The following MTERF4 variants were observed in gnomAD, a reference collection of about 807,000 sequenced individuals.
MTERF4 encodes the protein mitochondrial transcription termination factor 4, also known as transcription termination factor 4, mitochondrial.
MTERF4 carries 17 observed loss-of-function variants against 22.5 expected under a neutral mutation model. That is an observed-to-expected ratio of 0.75 (90% confidence interval 0.52 to 1.13). MTERF4 has a LOEUF of 1.13. Ranked by LOEUF, MTERF4 falls within the 50% of genes most tolerant of loss-of-function variation. The probability of loss-of-function intolerance (pLI) is 0.00; values close to 1 mark genes in which losing one functional copy is unlikely to be tolerated. For synonymous variants in MTERF4, 165 were observed against 175.3 expected, an observed-to-expected ratio of 0.94 and a Z score of 0.47; for missense variants, 420 against 466.8, an observed-to-expected ratio of 0.90 and a Z score of 0.92.
downstream of MTERF4, chr2:241,095,105 C>T (rs1228427439): frequency 6.7e-6 from 1 of 148,878 alleles, no homozygotes; most frequent in African/African-American, 2.5e-5. Context: ...ACGGATTGCT[C>T]CCTGTGGCCC....
downstream of MTERF4, among the ~76,000 whole-genome samples, chr2:241,083,625 C>T (rs535848347): frequency 6.6e-6 from 1 of 152,232 alleles, no homozygotes; most frequent in South Asian, 2.1e-4. Flanking sequence ...AGTGAGAGTC[C>T]GAATCCACAG....
chr2:241,094,518 T>G (rs540412168), downstream of MTERF4: 2 of 395,122 alleles, frequency 5.1e-6, no homozygotes, highest in Non-Finnish European at 1.0e-5. The surrounding 1 kb of genome is among the most constrained non-coding windows in gnomAD (Gnocchi z 4.3). Flanking sequence ...TTCCAGTGCA[T>G]AGGGGAAAGG....
chr2:241,048,201 C>A, the MTERF4 span: 1 of 1,267,746 alleles, frequency 7.9e-7, no homozygotes, highest in Non-Finnish European at 1.1e-6. Flanking sequence ...GCTTAAATTC[C>A]ACTTGGGAAT....
chr2:241,061,215 G>A, the MTERF4 span, among the ~76,000 whole-genome samples: 1 of 152,042 alleles, frequency 6.6e-6, no homozygotes, highest in East Asian at 1.9e-4. Flanking sequence ...AAAAAAACAT[G>A]CATAGGCATT....
chr2:241,085,640 G>A (rs1190387029), downstream of MTERF4, among the ~76,000 whole-genome samples: 1 of 152,042 alleles, frequency 6.6e-6, no homozygotes, highest in African/African-American at 2.4e-5. Flanking sequence ...ATTCTTGAAT[G>A]TCTTATAGTT....
Position 241,096,043 on chromosome 2 carries a change from C to G in MTERF4, c.1101G>C (p.Glu367Asp), listed in dbSNP as rs185622184. 6.2e-7 allele frequency: 1 copy of G among 1,613,680 alleles called. No individual in the cohort carries two copies. Among genetic ancestry groups the G allele is most frequent in the Non-Finnish European group, 8.5e-7 (1 of 1,179,794 alleles). ...CCTCATCCTCATCATTGTCCTCCGC[C>G]TCGTCGTCGTCCTCATCATCGTCAT... ...DEDDDDEDDDEAEDNDEDEDD... is the reference protein window; with the variant it reads ...DEDDDDEDDDDAEDNDEDEDD... The change falls in exon 4 of 4, where the codon GAG (glutamate) becomes GAC (aspartate). Residue 367 changes from glutamate to aspartate, a missense_variant. Physicochemically the swap from Glu to Asp is conservative, Grantham distance 45 (BLOSUM62 2). Coordinates refer to ENST00000391980, the MANE Select transcript of MTERF4 (RefSeq NM_182501.4). The surrounding 1 kb of genome is among the most constrained non-coding windows in gnomAD (Gnocchi z 5.1).
At chr2:241,050,955 G>A in the MTERF4 span, among the ~76,000 whole-genome samples, 44 of 152,200 alleles carry the variant, frequency 2.9e-4, no homozygotes, top group South Asian at 8.3e-4. Context: ...CCCAGCTTCC[G>A]TGAGCACACA....
the MTERF4 span, chr2:241,053,218 G>C: frequency 1.2e-6 from 2 of 1,609,514 alleles, no homozygotes; most frequent in Non-Finnish European, 1.7e-6. Flanking sequence ...CACGCGGCTG[G>C]GCGCGGTGGC....
chr2:241,052,554 G>C, the MTERF4 span: 1 of 1,047,960 alleles, frequency 9.5e-7, no homozygotes, highest in Non-Finnish European at 1.5e-6. Context: ...AGGGTACATG[G>C]GATACCAGTG....
rs753641025 is a variant in MTERF4, at chr2:241,096,309, T to C, written c.835A>G (p.Lys279Glu). 6.2e-7 allele frequency: 1 copy of C among 1,614,198 alleles called. No homozygotes were observed. Among genetic ancestry groups the C allele is most frequent in the South Asian group, 1.1e-5 (1 of 91,082 alleles). Residue 279 changes from lysine (K) to glutamate (E), a missense_variant, in exon 4 of 4, where the codon AAG becomes GAG. Transcript: ENST00000391980. The surrounding 1 kb of genome is among the most constrained non-coding windows in gnomAD (Gnocchi z 5.1). ...TTAGGGATCTGTGTCTGCCCCTTCTTATCAGGGGTTTGGTACCGTCCCAGG... is the reference window on the plus strand; with the variant it reads ...TTAGGGATCTGTGTCTGCCCCTTCTCATCAGGGGTTTGGTACCGTCCCAGG... ...ERLGRYQTPD[K>E]KGQTQIPNPL...
chr2:241,094,083 T>C, downstream of MTERF4: 1 of 330,900 alleles, frequency 3.0e-6, no homozygotes, highest in South Asian at 2.4e-5. This position sits in a 1 kb window ranked among gnomAD's most constrained non-coding sequence, Gnocchi z 4.3. Flanking sequence ...GAAGAGAAAA[T>C]GAAAACACTG....
downstream of MTERF4, chr2:241,071,820 A>G: frequency 6.2e-7 from 1 of 1,603,170 alleles, no homozygotes; most frequent in Non-Finnish European, 8.5e-7. Context: ...TGGACGGCAG[A>G]GGAAGAGTGA....
chr2:241,044,115 T>C, the MTERF4 span, among the ~76,000 whole-genome samples: 1 of 151,946 alleles, frequency 6.6e-6, no homozygotes, highest in East Asian at 1.9e-4. Flanking sequence ...CTAAAAATAC[T>C]CAATCCAGAA....
downstream of MTERF4, among the ~76,000 whole-genome samples, chr2:241,085,465 A>C (rs986448475): frequency 2.0e-5 from 3 of 152,110 alleles, no homozygotes; most frequent in African/African-American, 7.2e-5. Context: ...TTCTATCTTC[A>C]TTATCTTTAT....
chr2:241,092,689 T>C (rs1466374267), downstream of MTERF4: 1 of 152,252 alleles, frequency 6.6e-6, no homozygotes, highest in Non-Finnish European at 1.5e-5. The surrounding 1 kb of genome is among the most constrained non-coding windows in gnomAD (Gnocchi z 4.6). Context: ...GGCTGGACAA[T>C]GTTTAAGGTT....
chr2:241,099,395 C>A lies in MTERF4; in HGVS notation c.520+1G>T. 6.2e-7 allele frequency: 1 copy of A among 1,611,196 alleles called. No homozygotes were observed. The highest frequency in any genetic ancestry group is 8.5e-7 in the Non-Finnish European group (1 of 1,178,392). On this transcript the variant is annotated splice_donor_variant, in intron 2 of 3. Transcript: ENST00000391980. LOFTEE classifies it high-confidence loss of function. ...CAGCCAAAATCTGCAACTTCTTGTA[C>A]CTTCTCCAAGCCCAAGCTTTTGCAG...
At chr2:241,083,125 C>A (rs567082106), downstream of MTERF4, among the ~76,000 whole-genome samples, 2 of 152,102 alleles carry the variant, frequency 1.3e-5, no homozygotes, top group African/African-American at 4.8e-5. Flanking sequence ...GGAAAAAGGA[C>A]GAGATGACAG....
At chr2:241,047,621 T>C in the MTERF4 span, among the ~76,000 whole-genome samples, 11,145 of 152,240 alleles carry the variant, frequency 0.073, 1,069 homozygotes, top group East Asian at 0.26. Context: ...AAACTAGAGA[T>C]CAGCAGAAAG....
At chr2:241,071,921 C>G, downstream of MTERF4, 1 of 1,449,420 alleles carries the variant, frequency 6.9e-7, no homozygotes, top group Non-Finnish European at 9.5e-7. Context: ...GGCCCACCCT[C>G]GTCCTCACTG....
Sources: allele counts gnomAD v4.1 joint callset (sites outside exome capture counted in the v4.1 genomes callset), GRCh38; gene constraint gnomAD v4.1.1; non-coding constraint Gnocchi (gnomAD v3.1); transcripts MANE v1.5; gene names NCBI Gene and HGNC (gene_info 2026-07-23, HGNC 2026-07-21).